NUP205: variants seen among roughly 807,000 people sequenced by gnomAD.
NUP205 encodes the protein nuclear pore complex protein Nup205.
NUP205 carries 76 observed loss-of-function variants against 253.8 expected under a neutral mutation model. The ratio of observed to expected loss-of-function variants is 0.30; its 90% CI spans 0.25 to 0.36. The LOEUF is 0.36. Ranked by LOEUF, NUP205 falls within the 10% of genes least tolerant of loss-of-function variation. NUP205 has a pLI of 1.00. For synonymous variants in NUP205, 832 were observed against 850.1 expected, an observed-to-expected ratio of 0.98 and a Z score of 0.37; for missense variants, 2,162 against 2,425.5, an observed-to-expected ratio of 0.89 and a Z score of 2.28.
intron 1 of NUP205, among the ~76,000 whole-genome samples, chr7:135,567,697 C>T (rs561272284): frequency 3.5e-4 from 53 of 152,188 alleles, no homozygotes; most frequent in Middle Eastern, 3.4e-3. Context: ...AGTTATCTTT[C>T]ATGTTGTTCT....
intron 18 of NUP205, 118 bp downstream of exon 18, chr7:135,603,112 C>CTTTTT (rs11300648): frequency 3.3e-5 from 11 of 332,782 alleles, no homozygotes; most frequent in African/African-American, 7.8e-5. Context: ...CCTCATTTTA[C>CTTTTT]TTTTTTTTTT....
intron 7 of NUP205, among the ~76,000 whole-genome samples, chr7:135,582,967 A>G (rs182381044): frequency 2.6e-5 from 4 of 152,132 alleles, no homozygotes; most frequent in Admixed American, 2.0e-4. Context: ...GTGCGTGCCT[A>G]TAGTCCCAGC....
chr7:135,609,283 C>A (rs1172825415), intron 22 of NUP205, among the ~76,000 whole-genome samples: 1 of 151,520 alleles, frequency 6.6e-6, no homozygotes, highest in Non-Finnish European at 1.5e-5. Context: ...AAAAATTCAT[C>A]CTGACTAACA....
intron 17 of NUP205, among the ~76,000 whole-genome samples, chr7:135,601,884 T>C (rs542382017): frequency 1.3e-5 from 2 of 152,224 alleles, no homozygotes; most frequent in South Asian, 4.1e-4. Context: ...TTACTTGTTA[T>C]TATTACCACT....
chr7:135,615,021 C>G (rs1234089221), intron 23 of NUP205, among the ~76,000 whole-genome samples: 1 of 152,152 alleles, frequency 6.6e-6, no homozygotes, highest in Non-Finnish European at 1.5e-5. Flanking sequence ...AGGTTTTTCA[C>G]TCTATTTTCA....
intron 33 of NUP205, 84 bp downstream of exon 33, chr7:135,626,445 G>C: frequency 7.0e-7 from 1 of 1,433,900 alleles, no homozygotes; most frequent in Non-Finnish European, 9.5e-7. Flanking sequence ...TAATTTTGCC[G>C]CTTAGCAATT....
chr7:135,627,546 G>A (rs1794618183), intron 33 of NUP205, among the ~76,000 whole-genome samples: 2 of 152,136 alleles, frequency 1.3e-5, no homozygotes, highest in Non-Finnish European at 2.9e-5. Context: ...AAGCATTTTG[G>A]GTAAGTGGTA....
At chr7:135,597,903 A>G in intron 14 of NUP205, 95 bp from the exon 15 acceptor site, 1 of 914,334 alleles carries the variant, frequency 1.1e-6, no homozygotes. Flanking sequence ...TTTTGGTGTG[A>G]GTTAGCACTA....
rs187228288 is a variant in NUP205 at position 135,577,614 on chromosome 7, G to A, written c.649-182G>A. On this transcript the variant is annotated intron_variant, in intron 5 of 42. Coordinates refer to ENST00000285968, the MANE Select transcript of NUP205 (RefSeq NM_015135.3). ...AAATTGGTCATCCCAATTTCTTAAG[G>A]AACTTAAGGATAAGGAATAAACAAT... Among the ~76,000 whole-genome samples, 137 of 152,264 alleles carry A rather than the reference G, an allele frequency of 9.0e-4. 1 individual carries two copies. Among genetic ancestry groups the A allele is most frequent in the African/African-American group, 3.0e-3 (125 of 41,562 alleles).
intron 7 of NUP205, among the ~76,000 whole-genome samples, chr7:135,579,845 C>T (rs1245362073): frequency 1.4e-4 from 21 of 152,168 alleles, no homozygotes; most frequent in Admixed American, 1.4e-3. Context: ...AGGGTTTCAC[C>T]ATGTTGGCTG....
Position 135,648,620 on chromosome 7 carries a change from A to C in NUP205, c.*64A>C. ...GGGGAGAATTGTCTCCATTTTATAG[A>C]TTAGTTTCTTTCTAAATTATGACCA... On this transcript the variant is annotated 3_prime_UTR_variant, in exon 43 of 43. Coordinates refer to ENST00000285968, the MANE Select transcript of NUP205 (RefSeq NM_015135.3). 7.9e-7 allele frequency: 1 copy of C among 1,271,398 alleles called. No homozygotes were observed. Among genetic ancestry groups the C allele is most frequent in the South Asian group, 2.4e-5 (1 of 42,446 alleles). 78.8% of individuals were successfully genotyped at this position (1,271,398 alleles called of 1,614,324 possible).
chr7:135,591,606 G>A lies in NUP205; in HGVS notation c.1624+6G>A, dbSNP rs1305985226. 2 of 1,608,180 alleles carry A rather than the reference G, an allele frequency of 1.2e-6. No individual in the cohort carries two copies. The highest frequency in any genetic ancestry group is 2.2e-5 in the South Asian group (2 of 89,530). ...AGTCAATGGTAGTAGTCATGGTAAG[G>A]AATATGTGGATGTTGTTAAAGTTTG... On this transcript the variant is annotated splice_donor_region_variant and intron_variant, in intron 11 of 42. Coordinates refer to ENST00000285968, the MANE Select transcript of NUP205 (RefSeq NM_015135.3).
At chr7:135,587,810 T>G (rs759502399) in intron 9 of NUP205, 45 bp from the exon 10 acceptor site, 1 of 1,557,686 alleles carries the variant, frequency 6.4e-7, no homozygotes, top group Middle Eastern at 1.7e-4. Flanking sequence ...AAAGTAATTT[T>G]TCAGTCATAG....
intron 35 of NUP205, among the ~76,000 whole-genome samples, chr7:135,631,753 TTTC>T (rs917730288): frequency 2.0e-3 from 228 of 114,622 alleles, no homozygotes; most frequent in African/African-American, 3.7e-3. Context: ...TCTTTCTTTC[TTTC>T]TTTTTTTTTT....
At position 135,557,982 on chromosome 7, in the gene NUP205, G is replaced by C; in HGVS notation, c.28+10G>C. 2 of 1,610,914 alleles carry C rather than the reference G, an allele frequency of 1.2e-6. No homozygotes were observed. The highest frequency in any genetic ancestry group is 1.7e-6 in the Non-Finnish European group (2 of 1,177,040). ...TTGGCGGTAAATTCGGGTAAGTGTG[G>C]CCAGACAGAAAGACGATTGAGCTGA... is the stretch of plus-strand genomic sequence containing the variant. On this transcript the variant is annotated intron_variant, in intron 1 of 42. Transcript: ENST00000285968.
chr7:135,594,845 T>G, intron 13 of NUP205, 116 bp downstream of exon 13: 1 of 760,378 alleles, frequency 1.3e-6, no homozygotes, highest in Non-Finnish European at 2.1e-6. Context: ...ACATCCCAAC[T>G]AGAGTTACGG....
At chr7:135,622,549 T>C (rs1287780419) in intron 30 of NUP205, among the ~76,000 whole-genome samples, 1 of 152,140 alleles carries the variant, frequency 6.6e-6, no homozygotes, top group Non-Finnish European at 1.5e-5. Flanking sequence ...GGTACAATTA[T>C]TATCTTAGTG....
At chr7:135,612,182 G>A (rs1263803442) in intron 22 of NUP205, among the ~76,000 whole-genome samples, 2 of 152,188 alleles carry the variant, frequency 1.3e-5, no homozygotes, top group African/African-American at 2.4e-5. Flanking sequence ...GTCAGTTCTC[G>A]TTATTCACAG....
At chr7:135,622,652 G>A (rs1028312527) in intron 30 of NUP205, 125 bp from the exon 31 acceptor site, 2 of 856,932 alleles carry the variant, frequency 2.3e-6, no homozygotes, top group Non-Finnish European at 3.5e-6. Flanking sequence ...AAGCAGTGAT[G>A]GAAGGATTTT....
Sources: allele counts gnomAD v4.1 joint callset (sites outside exome capture counted in the v4.1 genomes callset), GRCh38; gene constraint gnomAD v4.1.1; transcripts MANE v1.5; gene names NCBI Gene and HGNC (gene_info 2026-07-23, HGNC 2026-07-21).